The following ANKS1B variants were observed in gnomAD, a reference collection of about 807,000 sequenced individuals.
ANKS1B encodes the protein ankyrin repeat and sterile alpha motif domain containing 1B.
ANKS1B carries 36 observed loss-of-function variants against 148.3 expected under a neutral mutation model. The ratio of observed to expected loss-of-function variants is 0.24; its 90% CI spans 0.19 to 0.32. The LOEUF is 0.32. ANKS1B is among the 10% of genes least tolerant of loss of function. ANKS1B has a pLI of 1.00. For synonymous variants in ANKS1B, 542 were observed against 560.8 expected, an observed-to-expected ratio of 0.97 and a Z score of 0.47; for missense variants, 1,157 against 1,542.6, an observed-to-expected ratio of 0.75 and a Z score of 4.19.
At chr12:99,970,113 T>G (rs2095540466) in intron 1 of ANKS1B, among the ~76,000 whole-genome samples, 1 of 152,156 alleles carries the variant, frequency 6.6e-6, no homozygotes, top group Non-Finnish European at 1.5e-5. Context: ...GTTCTCAAAT[T>G]TTAGTGCACA....
intron 12 of ANKS1B, among the ~76,000 whole-genome samples, chr12:99,291,086 C>A (rs2079900773): frequency 6.6e-6 from 1 of 152,090 alleles, no homozygotes; most frequent in African/African-American, 2.4e-5. Flanking sequence ...AATAGCATTT[C>A]TATATGCCAA....
intron 9 of ANKS1B, among the ~76,000 whole-genome samples, chr12:99,536,598 G>A (rs2097070224): frequency 6.6e-6 from 1 of 151,956 alleles, no homozygotes; most frequent in African/African-American, 2.4e-5. Flanking sequence ...TACTCTATAA[G>A]AAATATGAAA....
intron 9 of ANKS1B, among the ~76,000 whole-genome samples, chr12:99,582,022 T>G (rs985514920): frequency 1.3e-5 from 2 of 151,874 alleles, no homozygotes; most frequent in South Asian, 4.1e-4. Flanking sequence ...ATAATAAGAC[T>G]AACTGGTTTT....
At chr12:99,649,567 G>T (rs552694899) in intron 9 of ANKS1B, 4 of 580,316 alleles carry the variant, frequency 6.9e-6, no homozygotes, top group Non-Finnish European at 1.2e-5. Context: ...AGACTCAGGA[G>T]AGAAACACAG....
intron 9 of ANKS1B, among the ~76,000 whole-genome samples, chr12:99,541,061 T>G (rs1317076955): frequency 1.3e-5 from 2 of 152,048 alleles, no homozygotes; most frequent in African/African-American, 2.4e-5. Flanking sequence ...CTACCAAAAC[T>G]GACTTAAGAA....
chr12:99,200,685 T>C (rs1042738216), intron 14 of ANKS1B, among the ~76,000 whole-genome samples: 1 of 152,144 alleles, frequency 6.6e-6, no homozygotes, highest in Non-Finnish European at 1.5e-5. Context: ...GTTATCTCCT[T>C]AGCTTGTCTA....
intron 12 of ANKS1B, among the ~76,000 whole-genome samples, chr12:99,294,708 C>T (rs1023979115): frequency 1.3e-5 from 2 of 151,910 alleles, no homozygotes; most frequent in African/African-American, 4.8e-5. Context: ...GGCTGGAGTG[C>T]AATGGCGCGA....
chr12:99,737,519 C>G (rs2059721061), intron 8 of ANKS1B, among the ~76,000 whole-genome samples: 1 of 152,070 alleles, frequency 6.6e-6, no homozygotes, highest in African/African-American at 2.4e-5. Flanking sequence ...CTTTCCTCTC[C>G]TTCCCACTTC....
At chr12:98,875,827 G>A (rs914766796) in intron 17 of ANKS1B, among the ~76,000 whole-genome samples, 3 of 152,170 alleles carry the variant, frequency 2.0e-5, no homozygotes, top group Admixed American at 6.6e-5. Context: ...GGGCAGCATA[G>A]TGGAGGCAGA....
intron 15 of ANKS1B, among the ~76,000 whole-genome samples, chr12:99,107,993 A>C (rs753175687): frequency 1.3e-5 from 2 of 152,206 alleles, no homozygotes; most frequent in Non-Finnish European, 2.9e-5. Flanking sequence ...TCTCACTGAA[A>C]CTTTCCCTGG....
intron 1 of ANKS1B, among the ~76,000 whole-genome samples, chr12:99,927,239 C>A (rs1420078827): frequency 1.3e-5 from 2 of 152,168 alleles, no homozygotes; most frequent in Non-Finnish European, 2.9e-5. Flanking sequence ...CTTTCCCTGA[C>A]CCCTTTACAG....
At chr12:99,934,944 G>A (rs912960008) in intron 1 of ANKS1B, among the ~76,000 whole-genome samples, 1 of 152,104 alleles carries the variant, frequency 6.6e-6, no homozygotes, top group Non-Finnish European at 1.5e-5. Context: ...TCAGAGGACT[G>A]GGGGACTGGT....
At chr12:99,563,319 A>C (rs964143663) in intron 9 of ANKS1B, among the ~76,000 whole-genome samples, 1 of 152,192 alleles carries the variant, frequency 6.6e-6, no homozygotes, top group African/African-American at 2.4e-5. Context: ...CTTCCTCACT[A>C]AGCTGAATTA....
intron 12 of ANKS1B, among the ~76,000 whole-genome samples, chr12:99,292,525 A>C (rs73143005): frequency 0.19 from 28,530 of 150,052 alleles, 3,003 homozygotes; most frequent in Non-Finnish European, 0.24. Flanking sequence ...AAAAAAAAAA[A>C]AACGAAACAA....
At chr12:99,092,508 T>C (rs2054403027) in intron 15 of ANKS1B, among the ~76,000 whole-genome samples, 1 of 150,844 alleles carries the variant, frequency 6.6e-6, no homozygotes, top group Non-Finnish European at 1.5e-5. Context: ...GGGTAGGCTG[T>C]ACATAATCTT....
intron 9 of ANKS1B, among the ~76,000 whole-genome samples, chr12:99,598,040 T>A (rs2153275844): frequency 6.6e-6 from 1 of 152,096 alleles, no homozygotes; most frequent in East Asian, 1.9e-4. Context: ...GTTGAAAATA[T>A]TCTTAAGGCC....
intron 17 of ANKS1B, among the ~76,000 whole-genome samples, chr12:98,969,224 T>C (rs115088186): frequency 0.012 from 1,880 of 152,226 alleles, 46 homozygotes; most frequent in African/African-American, 0.043. Flanking sequence ...TTTTCTCAAG[T>C]AGGAAATGAC....
rs1419439216 is a variant in ANKS1B at position 99,468,671 on chromosome 12, C to A, written c.1439-24862G>T. ...TCTCAAAAGAACACATTTATGCAGC[C>A]AAAAAACACATGAAAAAATGCTCAT... On this transcript the variant is annotated intron_variant, in intron 10 of 26. Transcript: ENST00000683438. Among the ~76,000 whole-genome samples, 5 of 151,994 alleles carry A rather than the reference C, an allele frequency of 3.3e-5. No individual in the cohort carries two copies. The South Asian group carries it at 6.2e-4, about 19-fold the overall frequency.
rs1248937633 is a variant in ANKS1B at position 99,414,882 on chromosome 12, A to G, written c.1576-15071T>C. On this transcript the variant is annotated intron_variant, in intron 11 of 26. Coordinates refer to ENST00000683438, the MANE Select transcript of ANKS1B (RefSeq NM_001352186.2). ...CAAAATAGATTTTTTAAAAGTGTTA[A>G]GTCTATCCCTAGTATTTAACATACA... Among the ~76,000 whole-genome samples, 3 of 152,360 alleles carry G rather than the reference A, an allele frequency of 2.0e-5. No individual in the cohort carries two copies. The East Asian group carries it at 5.8e-4, about 29-fold the overall frequency.
Sources: gnomAD v4.1 joint callset for allele counts (sites outside exome capture counted in the v4.1 genomes callset) on GRCh38, gnomAD v4.1.1 for gene constraint, MANE v1.5 for transcripts, NCBI Gene and HGNC (gene_info 2026-07-23, HGNC 2026-07-21) for gene names.